Variants in RSPO2 observed in about 807,000 individuals in gnomAD.
RSPO2 encodes R-spondin-2.
In RSPO2, 14 loss-of-function variants were observed where a neutral mutation model predicts 30.9. The observed-to-expected ratio is 0.45, with a 90% CI of 0.30 to 0.71. RSPO2 has a LOEUF of 0.71. RSPO2 is among the 30% of genes least tolerant of loss of function. The pLI, the probability that RSPO2 is intolerant of heterozygous loss-of-function variation, is 0.08. For missense variants in RSPO2, 264 were observed against 301.9 expected, an observed-to-expected ratio of 0.87 and a Z score of 0.93; for synonymous variants, 107 against 96.4, an observed-to-expected ratio of 1.11 and a Z score of -0.64.
rs1176882940 is a variant in RSPO2, at chr8:107,943,511, C to T, written c.616+14569G>A. 4.6e-5 allele frequency among the ~76,000 whole-genome samples: 7 copies of T among 152,320 alleles called. No homozygotes were observed. In the East Asian group the frequency reaches 1.3e-3, roughly 29 times the overall value. Reference sequence around the variant, plus strand: ...CTGATGTTATAGTTTTGCAACTAGACATGCTCACGTGCCATCGCCTGGTGG... The same window carrying T: ...CTGATGTTATAGTTTTGCAACTAGATATGCTCACGTGCCATCGCCTGGTGG... On this transcript the variant is annotated intron_variant, in intron 5 of 5. Transcript: ENST00000276659.
chr8:107,935,770 CTAAT>C (rs999958578), intron 5 of RSPO2, among the ~76,000 whole-genome samples: 1 of 152,012 alleles, frequency 6.6e-6, no homozygotes, highest in Non-Finnish European at 1.5e-5. Context: ...TTGCCACACA[CTAAT>C]TAAATAGCCG....
intron 3 of RSPO2, among the ~76,000 whole-genome samples, chr8:107,985,667 T>C (rs1814599084): frequency 6.6e-6 from 1 of 152,208 alleles, no homozygotes; most frequent in African/African-American, 2.4e-5. Flanking sequence ...CTTTTCTAAG[T>C]TTTCTACAAG....
chr8:108,064,356 G>A (rs935748830), intron 2 of RSPO2, among the ~76,000 whole-genome samples: 6 of 152,084 alleles, frequency 3.9e-5, no homozygotes, highest in African/African-American at 1.4e-4. Flanking sequence ...TCCAAAAGTG[G>A]GCAAAGGATA....
chr8:107,908,729 AATT>A, intron 5 of RSPO2, among the ~76,000 whole-genome samples: 1 of 152,308 alleles, frequency 6.6e-6, no homozygotes, highest in African/African-American at 2.4e-5. Flanking sequence ...GTAAAAATAT[AATT>A]GCACTGCTGT....
intron 3 of RSPO2, among the ~76,000 whole-genome samples, chr8:107,967,449 T>C (rs1173670716): frequency 6.6e-6 from 1 of 152,172 alleles, no homozygotes; most frequent in Non-Finnish European, 1.5e-5. Flanking sequence ...ATAAAAATTA[T>C]TATACCTAAA....
At chr8:108,064,929 C>T (rs1812610104) in intron 2 of RSPO2, among the ~76,000 whole-genome samples, 1 of 151,816 alleles carries the variant, frequency 6.6e-6, no homozygotes, top group Non-Finnish European at 1.5e-5. Flanking sequence ...AGGGACAAAG[C>T]CGAACACCCC....
At chr8:107,910,868 G>A (rs938429161) in intron 5 of RSPO2, among the ~76,000 whole-genome samples, 6 of 152,034 alleles carry the variant, frequency 3.9e-5, no homozygotes, top group Admixed American at 3.9e-4. Context: ...GACCAGCCTG[G>A]ACAACATAGG....
At chr8:108,059,939 A>C (rs1812395546) in intron 2 of RSPO2, among the ~76,000 whole-genome samples, 1 of 151,256 alleles carries the variant, frequency 6.6e-6, no homozygotes. Context: ...CCAGCATGGC[A>C]CATGTATACA....
chr8:107,935,412 A>G (rs567487244), intron 5 of RSPO2, among the ~76,000 whole-genome samples: 23 of 152,226 alleles, frequency 1.5e-4, no homozygotes, highest in African/African-American at 4.8e-4. Flanking sequence ...TGGGTCCTGT[A>G]AAAAATTCTT....
At chr8:108,076,772 G>A (rs1813027486) in intron 2 of RSPO2, among the ~76,000 whole-genome samples, 1 of 152,040 alleles carries the variant, frequency 6.6e-6, no homozygotes, top group African/African-American at 2.4e-5. Context: ...AAAAAAAGAA[G>A]AAAAGAAAAA....
intron 3 of RSPO2, among the ~76,000 whole-genome samples, chr8:107,969,200 G>T (rs1419784231): frequency 1.3e-5 from 2 of 152,038 alleles, no homozygotes; most frequent in Non-Finnish European, 2.9e-5. Flanking sequence ...GACGTAGGCT[G>T]TGATTTAAAT....
intron 2 of RSPO2, among the ~76,000 whole-genome samples, chr8:108,067,353 A>C (rs1415031697): frequency 6.6e-6 from 1 of 152,192 alleles, no homozygotes; most frequent in African/African-American, 2.4e-5. Context: ...TGAATTTTGG[A>C]AAGAAAATCT....
At chr8:108,003,379 A>C (rs1385143712) in intron 2 of RSPO2, among the ~76,000 whole-genome samples, 2 of 138,764 alleles carry the variant, frequency 1.4e-5, no homozygotes, top group Non-Finnish European at 3.0e-5. Context: ...GGCTGGTCTC[A>C]AACTCCTGGC....
chr8:108,028,914 C>T (rs1811313009), intron 2 of RSPO2, among the ~76,000 whole-genome samples: 3 of 151,618 alleles, frequency 2.0e-5, no homozygotes, highest in Admixed American at 1.3e-4. Context: ...CAGGGCCTTG[C>T]AGGTACCAAA....
chr8:108,044,965 CTG>C (rs1378184727), intron 2 of RSPO2, among the ~76,000 whole-genome samples: 1 of 152,144 alleles, frequency 6.6e-6, no homozygotes, highest in Non-Finnish European at 1.5e-5. Context: ...AGACCTTAAA[CTG>C]TAAGAATCCT....
chr8:108,037,793 G>C (rs931528663), intron 2 of RSPO2, among the ~76,000 whole-genome samples: 1 of 152,142 alleles, frequency 6.6e-6, no homozygotes, highest in Non-Finnish European at 1.5e-5. Context: ...TGCTCTATAA[G>C]TGGAATAACA....
intron 2 of RSPO2, among the ~76,000 whole-genome samples, chr8:108,044,017 G>A (rs1811835486): frequency 1.3e-5 from 2 of 152,050 alleles, no homozygotes; most frequent in African/African-American, 4.8e-5. Flanking sequence ...CACAATGCCT[G>A]ATACCCAGTA....
intron 2 of RSPO2, among the ~76,000 whole-genome samples, chr8:108,064,555 A>G (rs1328490173): frequency 1.3e-5 from 2 of 152,218 alleles, no homozygotes; most frequent in African/African-American, 4.8e-5. Flanking sequence ...AGAAATAGGA[A>G]CACTTATACA....
At chr8:107,991,993 A>G (rs1329183839) in intron 2 of RSPO2, among the ~76,000 whole-genome samples, 1 of 152,222 alleles carries the variant, frequency 6.6e-6, no homozygotes, top group Non-Finnish European at 1.5e-5. Context: ...ACAAAAACCT[A>G]AAGATGGAAA....
Sources: allele counts gnomAD v4.1 joint callset (sites outside exome capture counted in the v4.1 genomes callset), GRCh38; gene constraint gnomAD v4.1.1; transcripts MANE v1.5; gene names NCBI Gene and HGNC (gene_info 2026-07-23, HGNC 2026-07-21).